DNAJC1: variants seen among roughly 807,000 people sequenced by gnomAD.
DNAJC1 encodes the protein DnaJ heat shock protein family (Hsp40) member C1.
A neutral mutation model predicts 76.6 loss-of-function variants in DNAJC1; 58 were observed. That is an observed-to-expected ratio of 0.76 (90% confidence interval 0.61 to 0.94). The LOEUF (loss-of-function observed/expected upper bound fraction) is 0.94, where lower values mean the gene tolerates loss of function less well. DNAJC1 is among the 40% of genes least tolerant of loss of function. The probability of loss-of-function intolerance (pLI) is 0.00; values close to 1 mark genes in which losing one functional copy is unlikely to be tolerated. For synonymous variants in DNAJC1, 258 were observed against 267.9 expected (o/e 0.96, Z 0.36); for missense variants, 689 against 677.3 (o/e 1.02, Z -0.19).
chr10:21,909,408 T>G (rs1836816206), intron 6 of DNAJC1, among the ~76,000 whole-genome samples: 1 of 152,156 alleles, frequency 6.6e-6, no homozygotes, highest in Non-Finnish European at 1.5e-5. Context: ...GGATATGTGG[T>G]GATTATATAA....
At chr10:21,881,390 C>G (rs1195453174) in intron 8 of DNAJC1, among the ~76,000 whole-genome samples, 1 of 152,160 alleles carries the variant, frequency 6.6e-6, no homozygotes, top group Non-Finnish European at 1.5e-5. Context: ...CCTATCTTGG[C>G]TTTCAACCAT....
At chr10:21,959,664 T>C (rs1276083553) in intron 1 of DNAJC1, among the ~76,000 whole-genome samples, 4 of 151,688 alleles carry the variant, frequency 2.6e-5, no homozygotes, top group African/African-American at 7.3e-5. Flanking sequence ...CAGGTGCCTG[T>C]AGTCCCAGCT....
chr10:21,971,709 T>C (rs1590073659), intron 1 of DNAJC1, among the ~76,000 whole-genome samples: 1 of 151,932 alleles, frequency 6.6e-6, no homozygotes, highest in South Asian at 2.1e-4. Context: ...TAATTCAAAT[T>C]ACTTCTGCTA....
At chr10:21,775,152 A>G (rs923968730) in intron 9 of DNAJC1, among the ~76,000 whole-genome samples, 1 of 152,006 alleles carries the variant, frequency 6.6e-6, no homozygotes, top group Non-Finnish European at 1.5e-5. Context: ...TTGCAGCCAT[A>G]CCTTTTTTTT....
At chr10:21,798,503 G>A (rs1363706679) in intron 9 of DNAJC1, among the ~76,000 whole-genome samples, 1 of 152,014 alleles carries the variant, frequency 6.6e-6, no homozygotes, top group Admixed American at 6.6e-5. Context: ...TCCTTGTTGG[G>A]CCTTGCAAAC....
chr10:21,855,177 A>G (rs1835814583), intron 8 of DNAJC1, among the ~76,000 whole-genome samples: 1 of 152,208 alleles, frequency 6.6e-6, no homozygotes, highest in Admixed American at 6.5e-5. Context: ...TAATAAAGCA[A>G]GAATACAAAA....
chr10:21,957,564 T>C (rs551048300), intron 1 of DNAJC1, among the ~76,000 whole-genome samples: 1 of 152,224 alleles, frequency 6.6e-6, no homozygotes. Flanking sequence ...ATCTTTGCAA[T>C]AGTTCTGTAC....
chr10:21,805,484 C>T (rs970069668), intron 9 of DNAJC1, among the ~76,000 whole-genome samples: 4 of 144,100 alleles, frequency 2.8e-5, no homozygotes, highest in African/African-American at 1.1e-4. Context: ...ACAGTTTCTT[C>T]TGGTTAAACT....
intron 8 of DNAJC1, among the ~76,000 whole-genome samples, chr10:21,820,408 G>A (rs1472496180): frequency 3.3e-5 from 5 of 152,160 alleles, no homozygotes; most frequent in African/African-American, 4.8e-5. Context: ...CTATGTAGAC[G>A]TATGTTTTAT....
intron 8 of DNAJC1, among the ~76,000 whole-genome samples, chr10:21,813,212 CTCTCTCTCTA>C (rs1158969011): frequency 0.024 from 1,245 of 51,656 alleles, 4 homozygotes; most frequent in Non-Finnish European, 0.03. Context: ...CTCTCTCTCT[CTCTCTCTCTA>C]TATATATATA....
chr10:21,773,182 G>A (rs1243209036), intron 9 of DNAJC1, among the ~76,000 whole-genome samples: 1 of 152,132 alleles, frequency 6.6e-6, no homozygotes, highest in Non-Finnish European at 1.5e-5. Flanking sequence ...GTGTGCTTTA[G>A]GTATAGTTTG....
intron 10 of DNAJC1, among the ~76,000 whole-genome samples, chr10:21,760,731 TAGAC>T (rs1220378094): frequency 1.4e-4 from 21 of 152,252 alleles, no homozygotes; most frequent in African/African-American, 5.1e-4. Flanking sequence ...GCTACCATAT[TAGAC>T]AGCACAGGTC....
chr10:21,816,545 C>CTTT (rs770275203), intron 8 of DNAJC1, among the ~76,000 whole-genome samples: 1 of 134,622 alleles, frequency 7.4e-6, no homozygotes, highest in Admixed American at 7.5e-5. Context: ...GTCTCTCTCT[C>CTTT]TTTTTTTTTT....
At chr10:21,922,063 G>A (rs1026888439) in intron 3 of DNAJC1, among the ~76,000 whole-genome samples, 2 of 151,934 alleles carry the variant, frequency 1.3e-5, no homozygotes, top group Non-Finnish European at 2.9e-5. Flanking sequence ...CCTAATTACA[G>A]GAATAGAAAT....
intron 8 of DNAJC1, among the ~76,000 whole-genome samples, chr10:21,818,390 AT>A (rs1835107018): frequency 6.6e-6 from 1 of 152,196 alleles, no homozygotes; most frequent in Non-Finnish European, 1.5e-5. Context: ...ATGACAAAGC[AT>A]GCCGAAACTT....
intron 8 of DNAJC1, among the ~76,000 whole-genome samples, chr10:21,815,482 C>G (rs562523232): frequency 6.6e-6 from 1 of 152,276 alleles, no homozygotes; most frequent in South Asian, 2.1e-4. Context: ...AAACTGTCCT[C>G]TATCTCTGAC....
At chr10:21,773,529 G>A (rs1027537582) in intron 9 of DNAJC1, among the ~76,000 whole-genome samples, 3 of 151,966 alleles carry the variant, frequency 2.0e-5, no homozygotes, top group Admixed American at 6.6e-5. Context: ...ACTTATTGAC[G>A]TTTGTTGATG....
At chr10:21,770,173 T>C (rs763295349) in intron 9 of DNAJC1, among the ~76,000 whole-genome samples, 1 of 152,112 alleles carries the variant, frequency 6.6e-6, no homozygotes, top group Non-Finnish European at 1.5e-5. Flanking sequence ...CTCCACCACC[T>C]GCACTAGTCC....
At chr10:21,790,480 A>G (rs1333534513) in intron 9 of DNAJC1, among the ~76,000 whole-genome samples, 6 of 150,168 alleles carry the variant, frequency 4.0e-5, no homozygotes, top group Non-Finnish European at 8.9e-5. Context: ...GCAAGCTACA[A>G]AAGAATGAAA....
Sources: gnomAD v4.1 joint callset for allele counts (sites outside exome capture counted in the v4.1 genomes callset) on GRCh38, gnomAD v4.1.1 for gene constraint, MANE v1.5 for transcripts, NCBI Gene and HGNC (gene_info 2026-07-23, HGNC 2026-07-21) for gene names.